FNIP1: variants seen among roughly 807,000 people sequenced by gnomAD.
FNIP1 encodes folliculin-interacting protein 1.
Under a neutral mutation model 124.5 loss-of-function variants are expected in FNIP1, and 40 were observed. The observed-to-expected ratio is 0.32, with a 90% CI of 0.25 to 0.42. The LOEUF (loss-of-function observed/expected upper bound fraction) is 0.42, where lower values mean the gene tolerates loss of function less well. Ranked by LOEUF, FNIP1 falls within the 10% of genes least tolerant of loss-of-function variation. The pLI is 1.00. For missense variants in FNIP1, 1,176 were observed against 1,403.7 expected (o/e 0.84, Z 2.59); for synonymous variants, 472 against 470.6 (o/e 1.00, Z -0.04).
At position 131,672,651 on chromosome 5, in the gene FNIP1, T is replaced by A. The variant is rs1258963447; in HGVS notation, c.1793A>T (p.Lys598Ile). 1 of 1,614,230 alleles carries A rather than the reference T, an allele frequency of 6.2e-7. No individual in the cohort carries two copies. Among genetic ancestry groups the A allele is most frequent in the East Asian group, 2.2e-5 (1 of 44,888 alleles). The stretch of plus-strand genomic sequence containing the variant: ...GGGAGTTCTAATTTCTTCTGACTCT[T>A]TAAAGAGCAAACTGCTTTTGTTTCT... ...MHRNKSSLLF[K>I]ESEEIRTPNC... The change falls in exon 14 of 18, where the codon AAA (lysine) becomes ATA (isoleucine). Residue 598 changes from lysine to isoleucine, a missense_variant. Physicochemically the swap from Lys to Ile is moderately radical, Grantham distance 102. Transcript: ENST00000510461.
chr5:131,747,191 G>A (rs1384306472), intron 1 of FNIP1, among the ~76,000 whole-genome samples: 1 of 152,146 alleles, frequency 6.6e-6, no homozygotes, highest in African/African-American at 2.4e-5. Flanking sequence ...CAAATGTACA[G>A]TTTGTGAATA....
intron 1 of FNIP1, among the ~76,000 whole-genome samples, chr5:131,785,194 A>G (rs1158255820): frequency 1.4e-5 from 2 of 142,136 alleles, no homozygotes; most frequent in Admixed American, 7.1e-5. Flanking sequence ...TATGATATAT[A>G]TGACTATATA....
intron 15 of FNIP1, among the ~76,000 whole-genome samples, chr5:131,656,962 T>C (rs527293458): frequency 2.0e-5 from 3 of 150,348 alleles, no homozygotes; most frequent in South Asian, 4.2e-4. Flanking sequence ...CTTCTGATAG[T>C]AGAACAAGAA....
intron 11 of FNIP1, among the ~76,000 whole-genome samples, chr5:131,688,451 T>C (rs1261159086): frequency 2.0e-5 from 3 of 151,838 alleles, no homozygotes; most frequent in African/African-American, 4.8e-5. Flanking sequence ...ACATCATATA[T>C]AGCTATCAAT....
At chr5:131,709,700 T>C (rs1769226544) in intron 7 of FNIP1, among the ~76,000 whole-genome samples, 1 of 152,214 alleles carries the variant, frequency 6.6e-6, no homozygotes, top group Non-Finnish European at 1.5e-5. Flanking sequence ...AATTGAGATA[T>C]TTATTTGAAT....
At chr5:131,789,976 T>A (rs1213771830) in intron 1 of FNIP1, among the ~76,000 whole-genome samples, 1 of 152,190 alleles carries the variant, frequency 6.6e-6, no homozygotes, top group East Asian at 1.9e-4. Flanking sequence ...CAGACTGACT[T>A]TATTAAACTG....
chr5:131,716,557 C>G lies in FNIP1; in HGVS notation c.622+8G>C, dbSNP rs546338713. 32 of 1,559,204 alleles carry G rather than the reference C, an allele frequency of 2.1e-5. No homozygotes were observed. The South Asian group carries it at 3.6e-4, about 18-fold the overall frequency. ...TTTTAAACTTATAAAATCAAAGGAA[C>G]CATTTACCTATATTTCCAAGCAGTC... On this transcript the variant is annotated splice_region_variant and intron_variant, in intron 6 of 17. Transcript: ENST00000510461.
intron 1 of FNIP1, among the ~76,000 whole-genome samples, chr5:131,746,053 C>T (rs1379879121): frequency 1.3e-5 from 2 of 152,102 alleles, no homozygotes; most frequent in Admixed American, 1.3e-4. Context: ...TTAAACAGTA[C>T]ATCACATTTG....
chr5:131,789,216 T>C (rs936731075), intron 1 of FNIP1, among the ~76,000 whole-genome samples: 1 of 152,094 alleles, frequency 6.6e-6, no homozygotes, highest in Non-Finnish European at 1.5e-5. Flanking sequence ...AAAAAGTTGA[T>C]CTCATAGAAG....
At chr5:131,747,273 C>CT (rs1342661061) in intron 1 of FNIP1, among the ~76,000 whole-genome samples, 1 of 152,220 alleles carries the variant, frequency 6.6e-6, no homozygotes, top group Non-Finnish European at 1.5e-5. Context: ...AACCCTAACT[C>CT]TGTCAACGTA....
Position 131,672,457 on chromosome 5 carries a change from C to A in FNIP1, c.1987G>T (p.Val663Phe), listed in dbSNP as rs1457673263. ...SDCQEENAVD[V>F]KQYRDKLRTC... ...CTTAATTTATCTCTGTACTGTTTAA[C>A]ATCAACAGCATTTTCTTCTTGGCAG... is the stretch of plus-strand genomic sequence containing the variant. Residue 663 changes from valine to phenylalanine, a missense_variant, in exon 14 of 18, where the codon GTT becomes TTT. Coordinates refer to ENST00000510461, the MANE Select transcript of FNIP1 (RefSeq NM_133372.3). The A allele has an allele frequency of 6.2e-7, 1 of 1,613,384 alleles. No individual in the cohort carries two copies. The highest frequency in any genetic ancestry group is 8.5e-7 in the Non-Finnish European group (1 of 1,180,030).
intron 11 of FNIP1, among the ~76,000 whole-genome samples, chr5:131,697,713 C>T (rs941007918): frequency 2.0e-5 from 3 of 151,850 alleles, no homozygotes; most frequent in Non-Finnish European, 4.4e-5. Flanking sequence ...TGCCTGTAAT[C>T]CCAGCACTTT....
At chr5:131,758,676 T>C (rs1771127581) in intron 1 of FNIP1, among the ~76,000 whole-genome samples, 1 of 152,224 alleles carries the variant, frequency 6.6e-6, no homozygotes, top group Non-Finnish European at 1.5e-5. Flanking sequence ...CTGCTCTGCA[T>C]GTTTTTTTAT....
At position 131,734,058 on chromosome 5, in the gene FNIP1, G is replaced by C. The variant is rs1770198361; in HGVS notation, c.220-3020C>G. 1.3e-5 allele frequency among the ~76,000 whole-genome samples: 2 copies of C among 152,282 alleles called. 1 individual carries two copies. Among genetic ancestry groups the C allele is most frequent in the Middle Eastern group, 6.8e-3 (2 of 294 alleles). Reference sequence around the variant, plus strand: ...CAACTTCTTCCTGGTTTAGTCTTGGGAGGATGTATGTGTTGAGGAATTTAT... The same window carrying C: ...CAACTTCTTCCTGGTTTAGTCTTGGCAGGATGTATGTGTTGAGGAATTTAT... On this transcript the variant is annotated intron_variant, in intron 2 of 17. Coordinates refer to ENST00000510461, the MANE Select transcript of FNIP1 (RefSeq NM_133372.3).
chr5:131,753,817 ATT>A (rs930980214), intron 1 of FNIP1, among the ~76,000 whole-genome samples: 3 of 145,040 alleles, frequency 2.1e-5, no homozygotes, highest in Non-Finnish European at 3.1e-5. Flanking sequence ...ATTAAAACAG[ATT>A]TTTTTTTTTT....
intron 2 of FNIP1, among the ~76,000 whole-genome samples, chr5:131,731,962 T>A (rs889461575): frequency 3.9e-5 from 6 of 152,240 alleles, no homozygotes; most frequent in Admixed American, 3.9e-4. Context: ...GAGAATATAC[T>A]AATGTAATAA....
At position 131,716,749 on chromosome 5, in the gene FNIP1, C is replaced by T. The variant is rs185159612; in HGVS notation, c.531-93G>A. 180 of 670,692 alleles carry T rather than the reference C, an allele frequency of 2.7e-4. No homozygotes were observed. The African/African-American group carries it at 2.9e-3, about 11-fold the overall frequency. 41.5% of individuals were successfully genotyped at this position (670,692 alleles called of 1,614,324 possible). ...CCTGATGAAATTTTAAGTGCAAAAA[C>T]AGTTTCTTCCTATTAGCATTACAAA... On this transcript the variant is annotated intron_variant, in intron 5 of 17. Transcript: ENST00000510461.
chr5:131,707,391 A>C (rs1769149977), intron 8 of FNIP1, among the ~76,000 whole-genome samples: 1 of 152,244 alleles, frequency 6.6e-6, no homozygotes, highest in Non-Finnish European at 1.5e-5. Flanking sequence ...TATATTCAAA[A>C]CAGGGAACCA....
intron 8 of FNIP1, 125 bp from the exon 9 acceptor site, chr5:131,706,671 T>C: frequency 3.0e-6 from 3 of 1,008,684 alleles, no homozygotes; most frequent in Non-Finnish European, 4.1e-6. Flanking sequence ...CTCAAAAATG[T>C]TCATTAAAAG....
Sources: gnomAD v4.1 joint callset for allele counts (sites outside exome capture counted in the v4.1 genomes callset) on GRCh38, gnomAD v4.1.1 for gene constraint, MANE v1.5 for transcripts, NCBI Gene and HGNC (gene_info 2026-07-23, HGNC 2026-07-21) for gene names.